EVI5: variants seen among roughly 807,000 people sequenced by gnomAD.
The protein encoded by EVI5 is ecotropic viral integration site 5 protein homolog.
Under a neutral mutation model 112.0 loss-of-function variants are expected in EVI5, and 73 were observed. The observed-to-expected ratio is 0.65, with a 90% CI of 0.54 to 0.79. The LOEUF (loss-of-function observed/expected upper bound fraction) is 0.79. EVI5 is among the 30% of genes least tolerant of loss of function. The probability of loss-of-function intolerance (pLI) is 0.00; values close to 1 mark genes in which losing one functional copy is unlikely to be tolerated. For missense variants in EVI5, 900 were observed against 968.8 expected (o/e 0.93, Z 0.94); for synonymous variants, 305 against 319.9 (o/e 0.95, Z 0.50).
intron 10 of EVI5, among the ~76,000 whole-genome samples, chr1:92,666,633 A>G: frequency 6.8e-6 from 1 of 146,142 alleles, no homozygotes; most frequent in Admixed American, 6.8e-5. Context: ...GAGGGGAGGG[A>G]AGGGGAGAAG....
chr1:92,632,690 C>A (rs963978187), intron 14 of EVI5, among the ~76,000 whole-genome samples: 41 of 152,104 alleles, frequency 2.7e-4, no homozygotes, highest in African/African-American at 9.7e-4. Context: ...CTGCTCCGAT[C>A]TTAGTTATTT....
At chr1:92,633,608 G>A (rs868168506) in intron 14 of EVI5, among the ~76,000 whole-genome samples, 2 of 152,036 alleles carry the variant, frequency 1.3e-5, no homozygotes, top group Non-Finnish European at 2.9e-5. Flanking sequence ...CACACTGATG[G>A]GTCTTGACTC....
chr1:92,733,554 C>T lies in EVI5; in HGVS notation c.149+2844G>A, dbSNP rs565698301. Among the ~76,000 whole-genome samples, 224 of 151,864 alleles carry T rather than the reference C, an allele frequency of 1.5e-3. 1 individual carries two copies. Among genetic ancestry groups the T allele is most frequent in the South Asian group, 2.7e-3 (13 of 4,800 alleles). The stretch of plus-strand genomic sequence containing the variant: ...CCGAGTAGCTGGAACTACAGGCACG[C>T]GCCACCACACCCAGCTAATTTTTTT... On this transcript the variant is annotated intron_variant, in intron 2 of 19. Coordinates refer to ENST00000684568, the MANE Select transcript of EVI5 (RefSeq NM_001350197.2).
At chr1:92,667,341 G>A (rs1261973660) in intron 10 of EVI5, among the ~76,000 whole-genome samples, 1 of 151,788 alleles carries the variant, frequency 6.6e-6, no homozygotes, top group African/African-American at 2.4e-5. Flanking sequence ...TTATTATACA[G>A]TATAGATGAC....
chr1:92,625,672 A>T, intron 15 of EVI5, 122 bp downstream of exon 15: 2 of 711,806 alleles, frequency 2.8e-6, no homozygotes, highest in Non-Finnish European at 4.7e-6. Flanking sequence ...TTTTGACATT[A>T]AACAGGGTCT....
At chr1:92,682,420 C>G (rs1667741671) in intron 9 of EVI5, among the ~76,000 whole-genome samples, 1 of 152,110 alleles carries the variant, frequency 6.6e-6, no homozygotes, top group African/African-American at 2.4e-5. Flanking sequence ...AGTTCCATAT[C>G]AGCAGGGATT....
intron 19 of EVI5, among the ~76,000 whole-genome samples, chr1:92,519,460 C>G (rs999131472): frequency 6.6e-6 from 1 of 152,048 alleles, no homozygotes; most frequent in Non-Finnish European, 1.5e-5. Context: ...AAGAACACAC[C>G]AAGCAAATGA....
chr1:92,565,935 A>AT (rs965036913), intron 18 of EVI5, among the ~76,000 whole-genome samples: 1 of 116,116 alleles, frequency 8.6e-6, no homozygotes, highest in Non-Finnish European at 1.8e-5. Context: ...GCGCCACTGC[A>AT]TTCCAGCCCG....
upstream of EVI5, among the ~76,000 whole-genome samples, chr1:92,789,836 C>CA (rs947353001): frequency 3.3e-5 from 5 of 152,056 alleles, no homozygotes; most frequent in African/African-American, 1.2e-4. Flanking sequence ...CTCTGAAAGG[C>CA]AAAAAACAAC....
At chr1:92,578,445 C>T (rs142535818) in intron 18 of EVI5, among the ~76,000 whole-genome samples, 778 of 152,096 alleles carry the variant, frequency 5.1e-3, no homozygotes, top group African/African-American at 0.018. Flanking sequence ...TTAAAATGGA[C>T]GGCCGGGCGC....
intron 19 of EVI5, among the ~76,000 whole-genome samples, chr1:92,536,570 C>T (rs1663936757): frequency 1.3e-5 from 2 of 152,164 alleles, no homozygotes; most frequent in Non-Finnish European, 2.9e-5. Context: ...AGGACTTCAT[C>T]ATCATTAAGG....
chr1:92,569,053 T>C (rs1446947468), intron 18 of EVI5, among the ~76,000 whole-genome samples: 1 of 152,218 alleles, frequency 6.6e-6, no homozygotes, highest in Non-Finnish European at 1.5e-5. Flanking sequence ...CCATTTTCTG[T>C]AGAGTTTAAT....
chr1:92,573,221 C>A (rs1670574453), intron 18 of EVI5, among the ~76,000 whole-genome samples: 1 of 144,286 alleles, frequency 6.9e-6, no homozygotes, highest in Non-Finnish European at 1.6e-5. Flanking sequence ...CTCACCCCGA[C>A]CTCCTAATTC....
chr1:92,532,734 C>A (rs1332130415), intron 19 of EVI5, among the ~76,000 whole-genome samples: 1 of 152,070 alleles, frequency 6.6e-6, no homozygotes, highest in Non-Finnish European at 1.5e-5. Flanking sequence ...TCTTTGAATC[C>A]AATGAGAACA....
intron 1 of EVI5, among the ~76,000 whole-genome samples, chr1:92,765,552 T>C (rs1450064271): frequency 4.0e-5 from 6 of 148,900 alleles, no homozygotes; most frequent in African/African-American, 7.4e-5. Flanking sequence ...CCCAGAAAAG[T>C]TATAAACAAC....
intron 1 of EVI5, among the ~76,000 whole-genome samples, chr1:92,790,883 C>T (rs115847238): frequency 1.6e-3 from 237 of 151,920 alleles, no homozygotes; most frequent in Non-Finnish European, 2.7e-3. Flanking sequence ...TTACCTCCAC[C>T]GTATGCATTC....
rs1429319021 is a variant in EVI5 at position 92,510,996 on chromosome 1, T to G, written c.*2660A>C. The G allele has an allele frequency of 6.6e-6, 1 of 152,144 alleles. No individual in the cohort carries two copies. Among genetic ancestry groups the G allele is most frequent in the Admixed American group, 6.6e-5 (1 of 15,262 alleles). 9.4% of individuals were successfully genotyped at this position (152,144 alleles called of 1,614,324 possible). ...GCTTTCTGGGCTGATAGTATAGAAC[T>G]CCGAACAAAAATCCCCAAAGCACAA... On this transcript the variant is annotated 3_prime_UTR_variant, in exon 20 of 20. Coordinates refer to ENST00000684568, the MANE Select transcript of EVI5 (RefSeq NM_001350197.2).
At chr1:92,566,112 C>T (rs1274322289) in intron 18 of EVI5, among the ~76,000 whole-genome samples, 1 of 152,080 alleles carries the variant, frequency 6.6e-6, no homozygotes, top group East Asian at 1.9e-4. Flanking sequence ...CTTTCATCGA[C>T]TTATTCCTAA....
At position 92,607,562 on chromosome 1, in the gene EVI5, A is replaced by G. The variant is rs201087112; in HGVS notation, c.1974+19T>C. The G allele has an allele frequency of 2.6e-6, 4 of 1,528,630 alleles. No homozygotes were observed. The highest frequency in any genetic ancestry group is 3.5e-6 in the Non-Finnish European group (4 of 1,141,564). The allele number at this position is 1,528,630 out of a possible 1,614,324, so 94.7% of individuals were successfully genotyped here. On this transcript the variant is annotated intron_variant, in intron 17 of 19. Transcript: ENST00000684568. ...TATTATATTGACAAAAAACAAAATC[A>G]GTTAGTTGACATATTTACCTTGCAT...
Sources: gnomAD v4.1 joint callset for allele counts (sites outside exome capture counted in the v4.1 genomes callset) on GRCh38, gnomAD v4.1.1 for gene constraint, MANE v1.5 for transcripts, NCBI Gene and HGNC (gene_info 2026-07-23, HGNC 2026-07-21) for gene names.